The following PTPRE variants were observed in gnomAD, a reference collection of about 807,000 sequenced individuals.
PTPRE encodes receptor-type tyrosine-protein phosphatase epsilon.
Under a neutral mutation model 102.0 loss-of-function variants are expected in PTPRE, and 51 were observed. The observed-to-expected ratio is 0.50, with a 90% CI of 0.40 to 0.63. The LOEUF (loss-of-function observed/expected upper bound fraction) is 0.63. Ranked by LOEUF, PTPRE falls within the 30% of genes least tolerant of loss-of-function variation. The probability of loss-of-function intolerance (pLI) is 0.00; values close to 1 mark genes in which losing one functional copy is unlikely to be tolerated. For missense variants in PTPRE, 752 were observed against 915.1 expected (o/e 0.82, Z 2.30); for synonymous variants, 345 against 348.2 (o/e 0.99, Z 0.10).
At position 128,008,697 on chromosome 10, in the gene PTPRE, G is replaced by C. The variant is rs1844720895; in HGVS notation, c.-8+26401G>C. Among the ~76,000 whole-genome samples the C allele has an allele frequency of 6.6e-6, 1 of 152,144 alleles. No individual in the cohort carries two copies. Among genetic ancestry groups the C allele is most frequent in the Non-Finnish European group, 1.5e-5 (1 of 68,040 alleles). ...GTGGTAATTCCGGCCAGGACTCAAG[G>C]ATGTAAGAAGTAGGAGACGCAGGAT... On this transcript the variant is annotated intron_variant, in intron 2 of 20. Transcript: ENST00000254667. The surrounding 1 kb of genome is among the most constrained non-coding windows in gnomAD (Gnocchi z 4.0).
chr10:128,025,218 T>C (rs1846209655), intron 2 of PTPRE, among the ~76,000 whole-genome samples: 3 of 151,212 alleles, frequency 2.0e-5, no homozygotes, highest in Admixed American at 1.3e-4. Context: ...TATGAAGCAT[T>C]GTTAACTCTT....
rs1362288387 is a variant in PTPRE at position 128,070,254 on chromosome 10, A to G, written c.1144-47A>G. ...TCTGCCAAGCTCCACGTGGGCCAAG[A>G]CTGCAGGGCAGAGTTGAGGGTGTGG... On this transcript the variant is annotated intron_variant, in intron 13 of 20. Transcript: ENST00000254667. This position sits in a 1 kb window ranked among gnomAD's most constrained non-coding sequence, Gnocchi z 4.8. The G allele has an allele frequency of 6.5e-7, 1 of 1,548,364 alleles. No homozygotes were observed. The highest frequency in any genetic ancestry group is 2.0e-5 in the Admixed American group (1 of 51,174).
chr10:128,042,346 C>T (rs1398046304), intron 3 of PTPRE, among the ~76,000 whole-genome samples: 1 of 152,184 alleles, frequency 6.6e-6, no homozygotes, highest in African/African-American at 2.4e-5. Context: ...GGATGACGTC[C>T]ACTCCACATC....
rs573526713 is a variant in PTPRE at position 127,913,146 on chromosome 10, G to A, written c.-31+5837G>A. Among the ~76,000 whole-genome samples the A allele has an allele frequency of 6.6e-5, 10 of 152,308 alleles. No homozygotes were observed. In the South Asian group the frequency reaches 1.0e-3, roughly 16 times the overall value. ...CCGCCAAGGCAGCTGCACGGGGATC[G>A]GTGGAGGTGGTACGCAGAGGCCTGG... is the stretch of plus-strand genomic sequence containing the variant. On this transcript the variant is annotated intron_variant, in intron 1 of 20. Transcript: ENST00000254667.
At chr10:127,993,768 G>GGTGTGTGTGTGTGT (rs142298818) in intron 2 of PTPRE, among the ~76,000 whole-genome samples, 10 of 150,664 alleles carry the variant, frequency 6.6e-5, no homozygotes, top group African/African-American at 2.2e-4. Context: ...CTTTCATAGT[G>GGTGTGTGTGTGTGT]GTGTGTGTGT....
chr10:128,065,944 A>G (rs1850048753), intron 10 of PTPRE, 131 bp from the exon 11 acceptor site: 1 of 1,347,570 alleles, frequency 7.4e-7, no homozygotes, highest in Admixed American at 1.7e-5. Flanking sequence ...ACACACGTGA[A>G]CTTGTTTCTC....
intron 2 of PTPRE, among the ~76,000 whole-genome samples, chr10:128,025,020 A>G (rs1230938132): frequency 2.6e-5 from 4 of 152,004 alleles, no homozygotes; most frequent in Non-Finnish European, 5.9e-5. Flanking sequence ...TTAGGCAAGC[A>G]TGATGGTGCA....
intron 10 of PTPRE, among the ~76,000 whole-genome samples, chr10:128,064,925 C>T (rs1366327546): frequency 6.6e-6 from 1 of 152,256 alleles, no homozygotes; most frequent in East Asian, 1.9e-4. Flanking sequence ...GGGTATAAAA[C>T]CAGCCACCAA....
intron 2 of PTPRE, among the ~76,000 whole-genome samples, chr10:128,010,004 G>A (rs1178364982): frequency 6.6e-6 from 1 of 152,096 alleles, no homozygotes; most frequent in Non-Finnish European, 1.5e-5. Flanking sequence ...AACTCACAGG[G>A]GCACGTGGTC....
intron 2 of PTPRE, among the ~76,000 whole-genome samples, chr10:128,013,432 G>A (rs756159668): frequency 1.3e-5 from 2 of 152,222 alleles, no homozygotes; most frequent in Non-Finnish European, 2.9e-5. Flanking sequence ...ACTGGGGGCT[G>A]CTAGTAGAAA....
At position 127,907,959 on chromosome 10, in the gene PTPRE, A is replaced by T. The variant is rs766073646; in HGVS notation, c.-31+650A>T. On this transcript the variant is annotated intron_variant, in intron 1 of 20. Transcript: ENST00000254667. This position sits in a 1 kb window ranked among gnomAD's most constrained non-coding sequence, Gnocchi z 4.8. ...CGACGACCTCACAGGGCTCCTGAGC[A>T]CAGATGCGAGCGCGGTGCCAATTCT... is the stretch of plus-strand genomic sequence containing the variant. Among the ~76,000 whole-genome samples, 19 of 152,308 alleles carry T rather than the reference A, an allele frequency of 1.2e-4. No individual in the cohort carries two copies. The highest frequency in any genetic ancestry group is 2.5e-4 in the Non-Finnish European group (17 of 68,030).
At chr10:128,040,500 T>TG (rs912463736) in intron 2 of PTPRE, among the ~76,000 whole-genome samples, 24 of 151,392 alleles carry the variant, frequency 1.6e-4, no homozygotes, top group African/African-American at 5.8e-4. Flanking sequence ...GAGTGGAGGG[T>TG]GGATGGTAGA....
At chr10:128,003,325 T>G (rs1471696302) in intron 2 of PTPRE, among the ~76,000 whole-genome samples, 1 of 152,204 alleles carries the variant, frequency 6.6e-6, no homozygotes, top group Non-Finnish European at 1.5e-5. Context: ...GGTTGTCATT[T>G]TTTATTTCAC....
At chr10:127,963,144 A>T (rs1199148085) in intron 1 of PTPRE, among the ~76,000 whole-genome samples, 1 of 152,158 alleles carries the variant, frequency 6.6e-6, no homozygotes, top group African/African-American at 2.4e-5. Context: ...CAGGTAACCC[A>T]TGATATCCTA....
chr10:127,962,577 G>A (rs1033385905), intron 1 of PTPRE, among the ~76,000 whole-genome samples: 7 of 152,160 alleles, frequency 4.6e-5, no homozygotes, highest in South Asian at 2.1e-4. Context: ...CAGGCCTCCC[G>A]CTCAGTTCTG....
At chr10:127,972,360 C>T (rs539715681) in intron 1 of PTPRE, among the ~76,000 whole-genome samples, 6 of 152,316 alleles carry the variant, frequency 3.9e-5, no homozygotes, top group Admixed American at 6.5e-5. Flanking sequence ...CTGGCTCAAC[C>T]TCTTATTGAC....
chr10:128,068,614 G>C (rs1850488120), intron 12 of PTPRE: 2 of 197,756 alleles, frequency 1.0e-5, no homozygotes, highest in African/African-American at 4.6e-5. Flanking sequence ...AGATGGAAAT[G>C]AGAGAAAGCC....
At chr10:128,044,617 A>C (rs1334595468) in intron 3 of PTPRE, among the ~76,000 whole-genome samples, 8 of 152,242 alleles carry the variant, frequency 5.3e-5, no homozygotes, top group African/African-American at 1.9e-4. Flanking sequence ...GAACATACAC[A>C]CACTTCACTT....
chr10:127,978,012 A>G (rs1228086136), intron 1 of PTPRE, among the ~76,000 whole-genome samples: 2 of 152,060 alleles, frequency 1.3e-5, no homozygotes, highest in Non-Finnish European at 2.9e-5. Context: ...ACTTCCAAAG[A>G]CCCACTTCTC....
Sources: allele counts gnomAD v4.1 joint callset (sites outside exome capture counted in the v4.1 genomes callset), GRCh38; gene constraint gnomAD v4.1.1; non-coding constraint Gnocchi (gnomAD v3.1); transcripts MANE v1.5; gene names NCBI Gene and HGNC (gene_info 2026-07-23, HGNC 2026-07-21).